Variants in NLRP12 observed in about 807,000 individuals in gnomAD.
NLRP12 encodes the protein NLR family pyrin domain containing 12.
In NLRP12, 108 loss-of-function variants were observed where a neutral mutation model predicts 91.2. The observed-to-expected ratio is 1.18, with a 90% CI of 1.01 to 1.39. NLRP12 has a LOEUF of 1.39. Ranked by LOEUF, NLRP12 falls within the 40% of genes most tolerant of loss-of-function variation. NLRP12 has a pLI of 0.00. For missense variants in NLRP12, 1,530 were observed against 1,352.7 expected (o/e 1.13, Z -2.06); for synonymous variants, 613 against 566.7 (o/e 1.08, Z -1.16).
In NLRP12 at chr19:53,804,010, C is replaced by T; in HGVS notation, c.2527G>A (p.Gly843Ser). ...DLTGNALEDL[G>S]LRLLCQGLRH... ...AGTCCCTGGCATAGTAACCTCAGGCCCAAATCCTCCAGTGCATTTCCTGTC... is the reference window on the plus strand; with the variant it reads ...AGTCCCTGGCATAGTAACCTCAGGCTCAAATCCTCCAGTGCATTTCCTGTC... The change falls in exon 6 of 10, where the codon GGC becomes AGC. Residue 843 changes from glycine (G) to serine (S), a missense_variant. Physicochemically the swap from Gly to Ser is moderately conservative, Grantham distance 56. Transcript: ENST00000324134. The T allele has an allele frequency of 1.9e-6, 3 of 1,614,122 alleles. No homozygotes were observed. Among genetic ancestry groups the T allele is most frequent in the Non-Finnish European group, 2.5e-6 (3 of 1,180,036 alleles).
rs748675429 is a variant in NLRP12, at chr19:53,795,964, T to C, written c.2993A>G (p.Gln998Arg). 1.9e-6 allele frequency: 3 copies of C among 1,614,170 alleles called. No homozygotes were observed. The South Asian group carries it at 3.3e-5, about 18-fold the overall frequency. Residue 998 changes from glutamine (Q) to arginine (R), a missense_variant, in exon 9 of 10, where the codon CAG (glutamine) becomes CGG (arginine). Physicochemically the swap from Gln to Arg is conservative, Grantham distance 43. Transcript: ENST00000324134. ...GGTCAGGTAAAGGTCGGTCAAGGTC[T>C]GGTTGATCCCCAGGGTGAAGTAAAG... Reference protein sequence around the residue: ...ENLYFTLGINQTLTDLYLTNN... With the variant: ...ENLYFTLGINRTLTDLYLTNN...
At chr19:53,816,484 C>T (rs2092161660) in intron 1 of NLRP12, among the ~76,000 whole-genome samples, 3 of 151,882 alleles carry the variant, frequency 2.0e-5, no homozygotes, top group African/African-American at 2.4e-5. Flanking sequence ...CTGTTCAGTG[C>T]TGGCTCTGGT....
rs367965844 is a variant in NLRP12, at chr19:53,809,637, C to T, written c.2022G>A (p.Gly674=). The part of the protein sequence containing the change: ...HLYGATYSAD[G]EDRARCSAGA... Reference sequence around the variant, plus strand: ...CTGCGGAGCACCTCGCGCGGTCTTCCCCGTCCGCGCTGTAGGTGGCGCCAT... The same window carrying T: ...CTGCGGAGCACCTCGCGCGGTCTTCTCCGTCCGCGCTGTAGGTGGCGCCAT... Residue 674 remains glycine (G), a synonymous_variant, in exon 3 of 10, where the codon GGG becomes GGA. Coordinates refer to ENST00000324134, the MANE Select transcript of NLRP12 (RefSeq NM_144687.4). 3.1e-6 allele frequency: 5 copies of T among 1,613,686 alleles called. No homozygotes were observed. Among genetic ancestry groups the T allele is most frequent in the Non-Finnish European group, 4.2e-6 (5 of 1,179,982 alleles).
At chr19:53,808,057 G>A (rs989330618) in intron 3 of NLRP12, 3 of 351,488 alleles carry the variant, frequency 8.5e-6, no homozygotes, top group Non-Finnish European at 1.7e-5. Flanking sequence ...GCCAAAGCAT[G>A]CTATCTTTTC....
Position 53,810,526 on chromosome 19 carries a change from A to AAGTAC in NLRP12, c.1132_1133insGTACT (p.Phe378CysfsTer16). On this transcript the variant is annotated frameshift_variant, in exon 3 of 10. Transcript: ENST00000324134. LOFTEE classifies it high-confidence loss of function. ...TTGGCCCGCCTGCTCTGCATTGTGG[A>AAGTAC]AATACTTGTAGAAGTATTCCTTCCT... The AAGTAC allele has an allele frequency of 6.2e-7, 1 of 1,614,124 alleles. No individual in the cohort carries two copies. The highest frequency in any genetic ancestry group is 1.1e-5 in the South Asian group (1 of 91,084).
In NLRP12 at chr19:53,793,877, G is replaced by A. The variant is rs185571043; in HGVS notation, c.*172C>T. On this transcript the variant is annotated 3_prime_UTR_variant, in exon 10 of 10. Transcript: ENST00000324134. ...TAGGATTACATACATGAGCCACCAC[G>A]CCTGGCCAGCTCTGTCAAACATTAA... The A allele has an allele frequency of 7.3e-5, 51 of 693,936 alleles. No homozygotes were observed. Among genetic ancestry groups the A allele is most frequent in the African/African-American group, 3.3e-4 (19 of 56,886 alleles). The allele number at this position is 693,936 out of a possible 1,614,324, so 43.0% of individuals were successfully genotyped here.
intron 6 of NLRP12, among the ~76,000 whole-genome samples, chr19:53,802,327 C>T (rs2091888511): frequency 3.3e-5 from 5 of 152,106 alleles, no homozygotes; most frequent in Admixed American, 1.3e-4. Flanking sequence ...TGAAAAGATG[C>T]TCAATCTCAA....
chr19:53,798,012 G>A (rs1351283349), intron 8 of NLRP12, among the ~76,000 whole-genome samples: 1 of 152,226 alleles, frequency 6.6e-6, no homozygotes, highest in African/African-American at 2.4e-5. Flanking sequence ...TGGGATTACA[G>A]GCATGCGCCA....
intron 7 of NLRP12, among the ~76,000 whole-genome samples, chr19:53,800,697 C>G (rs751544447): frequency 6.6e-6 from 1 of 151,944 alleles, no homozygotes; most frequent in Non-Finnish European, 1.5e-5. Flanking sequence ...ATTCTCCTGC[C>G]TCAGCCTCGC....
At chr19:53,806,114 A>C (rs528250365) in intron 4 of NLRP12, among the ~76,000 whole-genome samples, 50 of 152,064 alleles carry the variant, frequency 3.3e-4, no homozygotes, top group African/African-American at 1.2e-3. Flanking sequence ...CACCCCTGTA[A>C]TCCCAGCTAA....
At chr19:53,803,329 G>C (rs902664348) in intron 6 of NLRP12, among the ~76,000 whole-genome samples, 4 of 151,984 alleles carry the variant, frequency 2.6e-5, no homozygotes, top group Non-Finnish European at 4.4e-5. Context: ...TTATAGGCAT[G>C]TGCCACCACG....
At chr19:53,819,591 G>A (rs1429198600) in intron 1 of NLRP12, among the ~76,000 whole-genome samples, 3 of 23,114 alleles carry the variant, frequency 1.3e-4, no homozygotes, top group Admixed American at 3.9e-4. Context: ...GTATGTATAC[G>A]TATATACGCA....
At chr19:53,815,765 C>T (rs139524712) in intron 1 of NLRP12, among the ~76,000 whole-genome samples, 8,695 of 151,772 alleles carry the variant, frequency 0.057, 269 homozygotes, top group Middle Eastern at 0.15. Context: ...TGTGTCACCA[C>T]GCCCGGATAA....
chr19:53,824,211 G>C lies in NLRP12; in HGVS notation c.-37C>G, dbSNP rs1481120733. ...GAGCCCCAAAGGAGAGGACCTGGAG[G>C]CTGAGATGCTCCTATGCACGGGACA... On this transcript the variant is annotated 5_prime_UTR_variant, in exon 1 of 10. Coordinates refer to ENST00000324134, the MANE Select transcript of NLRP12 (RefSeq NM_144687.4). The C allele has an allele frequency of 7.5e-6, 12 of 1,605,916 alleles. No homozygotes were observed. The highest frequency in any genetic ancestry group is 1.0e-5 in the Non-Finnish European group (12 of 1,175,820).
At position 53,809,955 on chromosome 19, in the gene NLRP12, G is replaced by C. The variant is rs758740079; in HGVS notation, c.1704C>G (p.Asn568Lys). Residue 568 changes from asparagine to lysine, a missense_variant, in exon 3 of 10, where the codon AAC becomes AAG. Physicochemically the swap from Asn to Lys is moderately conservative, Grantham distance 94. Coordinates refer to ENST00000324134, the MANE Select transcript of NLRP12 (RefSeq NM_144687.4). Reference protein sequence around the residue: ...LTSRFLFGLLNEETRSHLEKS... With the variant: ...LTSRFLFGLLKEETRSHLEKS... ...TCTCCAGGTGGCTCCTGGTCTCCTC[G>C]TTCAGGAGTCCAAACAGGAAGCGGC... The C allele has an allele frequency of 6.2e-7, 1 of 1,614,098 alleles. No homozygotes were observed. The highest frequency in any genetic ancestry group is 1.6e-4 in the Middle Eastern group (1 of 6,062).
intron 8 of NLRP12, among the ~76,000 whole-genome samples, chr19:53,796,448 C>G (rs145204038): frequency 1.3e-5 from 2 of 151,918 alleles, no homozygotes; most frequent in Non-Finnish European, 2.9e-5. Flanking sequence ...AGGGTTTCAC[C>G]TTGTTGGCCA....
chr19:53,823,460 T>TAAAATATATATTTTAAATATATATTTTA (rs376319221), intron 1 of NLRP12, among the ~76,000 whole-genome samples: 9 of 111,188 alleles, frequency 8.1e-5, no homozygotes, highest in South Asian at 5.0e-4. Context: ...ATATATATTT[T>TAAAATATATATTTTAAATATATATTTTA]AAATATATAT....
At position 53,810,660 on chromosome 19, in the gene NLRP12, G is replaced by A. The variant is rs943319303; in HGVS notation, c.999C>T (p.Leu333=). 3 of 1,613,902 alleles carry A rather than the reference G, an allele frequency of 1.9e-6. No homozygotes were observed. The highest frequency in any genetic ancestry group is 1.1e-5 in the South Asian group (1 of 91,064). Residue 333 remains leucine, a synonymous_variant, in exon 3 of 10, where the codon CTC becomes CTT. Transcript: ENST00000324134. ...LLNSLIRKKL[L]PELSLLITTR... is the part of the protein sequence containing the mutation. ...TGGTGATGAGCAAAGATAGCTCAGG[G>A]AGCAGCTTCTTCCGAATTAAGCTGT... is the stretch of plus-strand genomic sequence containing the variant.
chr19:53,807,656 CCT>C lies in NLRP12; in HGVS notation c.2080_2081del (p.Arg694AspfsTer9), dbSNP rs1452439993. ...AHTLLVQLPE[R>X]TVLLDAYSEH... ...CACTGTAGGCGTCCAGCAGAACGGT[CCT>C]CTCTGGTCTGCTTGAAGGAAAGACA... is the stretch of plus-strand genomic sequence containing the variant. On this transcript the variant is annotated frameshift_variant, in exon 4 of 10. Transcript: ENST00000324134. LOFTEE classifies it high-confidence loss of function. The C allele has an allele frequency of 6.2e-7, 1 of 1,614,028 alleles. No homozygotes were observed. The highest frequency in any genetic ancestry group is 2.2e-5 in the East Asian group (1 of 44,874).
Sources: allele counts gnomAD v4.1 joint callset (sites outside exome capture counted in the v4.1 genomes callset), GRCh38; gene constraint gnomAD v4.1.1; transcripts MANE v1.5; gene names NCBI Gene and HGNC (gene_info 2026-07-23, HGNC 2026-07-21).